Variants in CSNK1G2 observed in about 807,000 individuals in gnomAD.
CSNK1G2 encodes casein kinase I isoform gamma-2.
In CSNK1G2, 11 loss-of-function variants were observed where a neutral mutation model predicts 48.0. The ratio of observed to expected loss-of-function variants is 0.23; its 90% CI spans 0.14 to 0.38. The LOEUF (loss-of-function observed/expected upper bound fraction) is 0.38, where lower values mean the gene tolerates loss of function less well. Ranked by LOEUF, CSNK1G2 falls within the 10% of genes least tolerant of loss-of-function variation. The pLI, the probability that CSNK1G2 is intolerant of heterozygous loss-of-function variation, is 1.00. For missense variants in CSNK1G2, 446 were observed against 595.5 expected (o/e 0.75, Z 2.61); for synonymous variants, 337 against 254.1 (o/e 1.33, Z -3.10).
chr19:1,970,298 C>T (rs2015522581), intron 2 of CSNK1G2, among the ~76,000 whole-genome samples: 1 of 152,242 alleles, frequency 6.6e-6, no homozygotes, highest in African/African-American at 2.4e-5. Context: ...TGGGCGAAGC[C>T]CCGGCTTTAA....
intron 1 of CSNK1G2, among the ~76,000 whole-genome samples, chr19:1,965,262 A>G (rs1312758739): frequency 6.7e-6 from 1 of 150,236 alleles, no homozygotes; most frequent in Non-Finnish European, 1.5e-5. Context: ...GGGCGCCTTT[A>G]GTCCCAGCTA....
chr19:1,955,038 C>T (rs774682660), intron 1 of CSNK1G2, among the ~76,000 whole-genome samples: 5 of 152,156 alleles, frequency 3.3e-5, no homozygotes, highest in Non-Finnish European at 7.4e-5. Flanking sequence ...TTCCAGGCCC[C>T]GGCCTTGTCT....
intron 1 of CSNK1G2, among the ~76,000 whole-genome samples, chr19:1,946,607 A>AT (rs1470136556): frequency 1.5e-4 from 19 of 123,738 alleles, no homozygotes; most frequent in African/African-American, 3.2e-4. Context: ...TTATTTATTT[A>AT]TTATTATTAT....
At position 1,961,568 on chromosome 19, in the gene CSNK1G2, G is replaced by T. The variant is rs774115861; in HGVS notation, c.-265-7940G>T. On this transcript the variant is annotated intron_variant, in intron 1 of 11. Transcript: ENST00000255641. ...ACAGTGGAGCCTGGGAGGGGCCCCA[G>T]TGTTGAGGCGTGAGGTACTGTCTGG... is the stretch of plus-strand genomic sequence containing the variant. 3.8e-4 allele frequency among the ~76,000 whole-genome samples: 58 copies of T among 152,350 alleles called. 1 individual carries two copies. Among genetic ancestry groups the T allele is most frequent in the South Asian group, 1.4e-3 (7 of 4,832 alleles).
At position 1,948,043 on chromosome 19, in the gene CSNK1G2, G is replaced by A. The variant is rs115640537; in HGVS notation, c.-266+6625G>A. 3.3e-3 allele frequency among the ~76,000 whole-genome samples: 504 copies of A among 152,324 alleles called. 5 individuals are homozygous for A. The highest frequency in any genetic ancestry group is 0.012 in the African/African-American group (485 of 41,570). On this transcript the variant is annotated intron_variant, in intron 1 of 11. Coordinates refer to ENST00000255641, the MANE Select transcript of CSNK1G2 (RefSeq NM_001319.7). ...CTGAAAGCTTCGTGGGCCGGGACCC[G>A]GGATGAGCTGGTTAAACCCTGGCCC...
intron 2 of CSNK1G2, among the ~76,000 whole-genome samples, chr19:1,977,375 C>A (rs1194881497): frequency 6.6e-6 from 1 of 152,224 alleles, no homozygotes; most frequent in Non-Finnish European, 1.5e-5. Context: ...TGCCCCCTCC[C>A]AGGCCGGCTT....
Position 1,980,568 on chromosome 19 carries a change from C to A in CSNK1G2, c.*365C>A. 2 of 301,148 alleles carry A rather than the reference C, an allele frequency of 6.6e-6. No individual in the cohort carries two copies. Among genetic ancestry groups the A allele is most frequent in the Non-Finnish European group, 1.3e-5 (2 of 158,134 alleles). 18.7% of individuals were successfully genotyped at this position (301,148 alleles called of 1,614,324 possible). A position where few individuals can be genotyped will look rare whatever the true frequency, so the allele number is the denominator to read the frequency against. ...ATCCTGGAGGCCCCCCGGCCTGGCC[C>A]CGCCCCGCCAGCCGCCCCCGTTAGC... On this transcript the variant is annotated 3_prime_UTR_variant, in exon 12 of 12. Transcript: ENST00000255641.
At chr19:1,945,467 G>A (rs1355518068) in intron 1 of CSNK1G2, among the ~76,000 whole-genome samples, 1 of 152,238 alleles carries the variant, frequency 6.6e-6, no homozygotes, top group Non-Finnish European at 1.5e-5. Flanking sequence ...GCTCCTGGGT[G>A]GCCCAGCGGC....
chr19:1,970,977 C>T (rs2015549260), intron 2 of CSNK1G2, among the ~76,000 whole-genome samples: 2 of 152,222 alleles, frequency 1.3e-5, no homozygotes, highest in African/African-American at 4.8e-5. Context: ...GATGTGGCTG[C>T]ATCTTCAAGA....
intron 1 of CSNK1G2, among the ~76,000 whole-genome samples, chr19:1,948,567 C>G (rs914070384): frequency 1.3e-5 from 2 of 150,564 alleles, no homozygotes; most frequent in Non-Finnish European, 3.0e-5. Flanking sequence ...TCCCGTCACA[C>G]TGACCCAGCT....
rs1324357932 is a variant in CSNK1G2, at chr19:1,941,368, C to CG, written c.-313dup. The CG allele has an allele frequency of 1.4e-5, 2 of 147,904 alleles. No homozygotes were observed. The highest frequency in any genetic ancestry group is 3.0e-5 in the Non-Finnish European group (2 of 66,306). The allele number at this position is 147,904 out of a possible 1,614,324, so 9.2% of individuals were successfully genotyped here. A position where few individuals can be genotyped will look rare whatever the true frequency, so the allele number is the denominator to read the frequency against. ...GGGGTCCGCGCTGCGCTGCTGAGGC[C>CG]GGGCCGGCCGCCCAGACGCTGCCCG... On this transcript the variant is annotated 5_prime_UTR_variant, in exon 1 of 12. The change creates a premature stop within an existing upstream ORF in the 5' untranslated region. Coordinates refer to ENST00000255641, the MANE Select transcript of CSNK1G2 (RefSeq NM_001319.7).
chr19:1,948,511 G>A (rs1389700656), intron 1 of CSNK1G2, among the ~76,000 whole-genome samples: 3 of 126,806 alleles, frequency 2.4e-5, no homozygotes, highest in African/African-American at 9.1e-5. Context: ...GACAGAGTGA[G>A]ACTCCGTCTC....
intron 1 of CSNK1G2, chr19:1,952,802 C>G: frequency 3.1e-6 from 1 of 324,800 alleles, no homozygotes; most frequent in Non-Finnish European, 6.2e-6. Context: ...CAGGACCAAG[C>G]CCTCTCGCCT....
intron 1 of CSNK1G2, among the ~76,000 whole-genome samples, chr19:1,952,166 A>G (rs1192680309): frequency 1.3e-5 from 2 of 152,186 alleles, no homozygotes; most frequent in African/African-American, 4.8e-5. Context: ...TCACTGCAGG[A>G]CAGCAAGCAC....
chr19:1,946,289 TTTTA>T (rs2014557507), intron 1 of CSNK1G2, among the ~76,000 whole-genome samples: 4 of 143,806 alleles, frequency 2.8e-5, no homozygotes, highest in African/African-American at 1.0e-4. Flanking sequence ...TTTATTTATT[TTTTA>T]TTTATTTATT....
rs779803565 is a variant in CSNK1G2, at chr19:1,979,106, C to T, written c.682+13C>T. On this transcript the variant is annotated intron_variant, in intron 6 of 11. Coordinates refer to ENST00000255641, the MANE Select transcript of CSNK1G2 (RefSeq NM_001319.7). ...CACCTGGGCAAGGGTGAGCTGCGCG[C>T]GCGCGGCGGGGGGCGGGCGCCCGGA... is the stretch of plus-strand genomic sequence containing the variant. 14 of 1,586,398 alleles carry T rather than the reference C, an allele frequency of 8.8e-6. No homozygotes were observed. The highest frequency in any genetic ancestry group is 1.8e-5 in the Admixed American group (1 of 56,656).
chr19:1,965,589 C>T (rs1375092969), intron 1 of CSNK1G2, among the ~76,000 whole-genome samples: 5 of 152,084 alleles, frequency 3.3e-5, no homozygotes, highest in African/African-American at 1.2e-4. Flanking sequence ...CATCCTCCAC[C>T]TCCCGGGTTG....
intron 1 of CSNK1G2, among the ~76,000 whole-genome samples, chr19:1,945,334 C>T (rs1390246706): frequency 6.6e-6 from 1 of 152,208 alleles, no homozygotes; most frequent in Non-Finnish European, 1.5e-5. Flanking sequence ...GTTCGGGGCA[C>T]GCGTCTGAGG....
chr19:1,972,822 C>T (rs1024777120), intron 2 of CSNK1G2, among the ~76,000 whole-genome samples: 2 of 150,796 alleles, frequency 1.3e-5, no homozygotes, highest in Admixed American at 1.3e-4. Context: ...TGGGGTTTCA[C>T]CTTGTTGGCC....
Sources: allele counts gnomAD v4.1 joint callset (sites outside exome capture counted in the v4.1 genomes callset), GRCh38; gene constraint gnomAD v4.1.1; transcripts MANE v1.5; gene names NCBI Gene and HGNC (gene_info 2026-07-23, HGNC 2026-07-21).